PCDHA3: variants seen among roughly 807,000 people sequenced by gnomAD.
PCDHA3 encodes protocadherin alpha-3.
In PCDHA3, 41 loss-of-function variants were observed where a neutral mutation model predicts 62.2. That is an observed-to-expected ratio of 0.66 (90% CI 0.51 to 0.86). PCDHA3 has a LOEUF of 0.86. Ranked by LOEUF, PCDHA3 falls within the 40% of genes least tolerant of loss-of-function variation. The pLI, the probability that PCDHA3 is intolerant of heterozygous loss-of-function variation, is 0.00. For synonymous variants in PCDHA3, 640 were observed against 555.4 expected (o/e 1.15, Z -2.14); for missense variants, 1,304 against 1,241.2 (o/e 1.05, Z -0.76).
At chr5:140,967,066 C>A (rs782715200) in intron 1 of PCDHA3, 2 of 1,612,908 alleles carry the variant, frequency 1.2e-6, no homozygotes, top group Non-Finnish European at 1.7e-6. Context: ...GAGCGCTCTT[C>A]GTCAACGAGC....
chr5:140,834,632 T>C (rs1424749324), intron 1 of PCDHA3: 7 of 1,613,948 alleles, frequency 4.3e-6, no homozygotes, highest in African/African-American at 2.7e-5. Context: ...AGAATGGCAT[T>C]TTGTTTGTGA....
chr5:140,898,067 T>C (rs2066506598), intron 1 of PCDHA3, among the ~76,000 whole-genome samples: 1 of 152,122 alleles, frequency 6.6e-6, no homozygotes, highest in Admixed American at 6.5e-5. Context: ...TTGTTTGAGT[T>C]CATTGTAGAT....
rs782568724 is a variant in PCDHA3, at chr5:140,927,659, A to C, written c.2395-51290A>C. Reference sequence around the variant, plus strand: ...AATGGGACTGTGTTATTCCGAGTTCAAGCCTTGGATCCAGATGAAGGGTCC... The same window carrying C: ...AATGGGACTGTGTTATTCCGAGTTCCAGCCTTGGATCCAGATGAAGGGTCC... On this transcript the variant is annotated intron_variant, in intron 1 of 3. Coordinates refer to ENST00000522353, the MANE Select transcript of PCDHA3 (RefSeq NM_018906.3). 4 of 1,614,108 alleles carry C rather than the reference A, an allele frequency of 2.5e-6. No homozygotes were observed. In the East Asian group the frequency reaches 6.7e-5, roughly 27 times the overall value.
rs2098414068 is a variant in PCDHA3 at position 141,009,729 on chromosome 5, G to T, written c.2645G>T (p.Gly882Val). The T allele has an allele frequency of 6.2e-7, 1 of 1,614,168 alleles. No homozygotes were observed. The highest frequency in any genetic ancestry group is 8.5e-7 in the Non-Finnish European group (1 of 1,180,028). ...GGCAACCCCAAACAATCCGGTCCCG[G>T]TGAGTTGCCCGACAAATTCATTATC... is the stretch of plus-strand genomic sequence containing the variant. ...GPGNPKQSGPGELPDKFIIPG... is the reference protein window; with the variant it reads ...GPGNPKQSGPVELPDKFIIPG... Residue 882 changes from glycine (G) to valine (V), a missense_variant, in exon 4 of 4, where the codon GGT becomes GTT. Transcript: ENST00000522353.
At chr5:140,875,202 C>A in intron 1 of PCDHA3, 1 of 611,450 alleles carries the variant, frequency 1.6e-6, no homozygotes, top group Non-Finnish European at 2.5e-6. Context: ...CAGGAAGTGG[C>A]TAAACCGAAA....
intron 1 of PCDHA3, chr5:140,829,946 C>G: frequency 2.5e-6 from 4 of 1,613,986 alleles, no homozygotes; most frequent in Non-Finnish European, 3.4e-6. Flanking sequence ...AAGCAGCGCT[C>G]GCTTCCCGTT....
intron 1 of PCDHA3, chr5:140,878,024 G>A (rs2057444305): frequency 7.9e-6 from 6 of 757,742 alleles, no homozygotes; most frequent in South Asian, 2.8e-5. Context: ...AAGGAAATAT[G>A]TAGGTACAAT....
chr5:140,838,880 A>T (rs959221934), intron 1 of PCDHA3, among the ~76,000 whole-genome samples: 5 of 151,848 alleles, frequency 3.3e-5, no homozygotes. Context: ...ATGCCACTGA[A>T]CTCCAGCCTA....
At chr5:140,822,046 C>G in intron 1 of PCDHA3, 1 of 1,614,162 alleles carries the variant, frequency 6.2e-7, no homozygotes, top group Non-Finnish European at 8.5e-7. Flanking sequence ...TCGGATCGAC[C>G]GGGAGGAGCT....
rs1554122299 is a variant in PCDHA3, at chr5:140,802,710, T to C, written c.1513T>C (p.Ser505Pro). ...ACGGCGGGTGGGGGAGCGCGCGCTG[T>C]CGAGCTACGTGTCGGTACACGCGGA... ...VERRVGERAL[S>P]SYVSVHAESG... The change falls in exon 1 of 4, where the codon TCG becomes CCG. Residue 505 changes from serine to proline, a missense_variant. Ser to Pro is a moderately conservative substitution (Grantham distance 74). Transcript: ENST00000522353. 1.9e-6 allele frequency: 3 copies of C among 1,612,374 alleles called. No individual in the cohort carries two copies. The highest frequency in any genetic ancestry group is 2.5e-6 in the Non-Finnish European group (3 of 1,179,792).
At position 140,828,267 on chromosome 5, in the gene PCDHA3, T is replaced by C. The variant is rs2150153311; in HGVS notation, c.2394+24676T>C. The C allele has an allele frequency of 5.0e-6, 8 of 1,613,938 alleles. No individual in the cohort carries two copies. The South Asian group carries it at 8.8e-5, about 18-fold the overall frequency. ...GACCTGGGGCTGGAGCTGGCGGAGC[T>C]GGTGCCGCGCCTGTTCAGGATGGCC... On this transcript the variant is annotated intron_variant, in intron 1 of 3. Transcript: ENST00000522353.
rs181382577 is a variant in PCDHA3 at position 140,851,207 on chromosome 5, A to G, written c.2394+47616A>G. 3,689 of 1,174,684 alleles carry G rather than the reference A, an allele frequency of 3.1e-3. 213 individuals carry two copies. The highest frequency in any genetic ancestry group is 3.6e-3 in the Non-Finnish European group (3,326 of 916,620). The allele number at this position is 1,174,684 out of a possible 1,614,324, so 72.8% of individuals were successfully genotyped here. On this transcript the variant is annotated intron_variant, in intron 1 of 3. Transcript: ENST00000522353. The stretch of plus-strand genomic sequence containing the variant: ...CCAATTTAGTTGTTAGTCATTCATT[A>G]AACATTAACATCACTATCATTTATT...
rs782096178 is a variant in PCDHA3 at position 140,876,689 on chromosome 5, CGTT to C, written c.2394+73100_2394+73102del. The C allele has an allele frequency of 6.2e-6, 10 of 1,614,110 alleles. No homozygotes were observed. The East Asian group carries it at 1.6e-4, about 25-fold the overall frequency. On this transcript the variant is annotated intron_variant, in intron 1 of 3. Coordinates refer to ENST00000522353, the MANE Select transcript of PCDHA3 (RefSeq NM_018906.3). ...GTGTCCACCTACAAGAATTACTACT[CGTT>C]GGTGCTGGACAGCGCCCTGGACCGC...
intron 1 of PCDHA3, chr5:140,823,379 G>A: frequency 6.2e-7 from 1 of 1,612,650 alleles, no homozygotes; most frequent in South Asian, 1.1e-5. Flanking sequence ...TTCCAGGTGA[G>A]CGCGCGCGAC....
intron 1 of PCDHA3, chr5:140,824,125 A>T (rs2150132340): frequency 6.2e-7 from 1 of 1,613,888 alleles, no homozygotes; most frequent in South Asian, 1.1e-5. Flanking sequence ...CTCTACAGAC[A>T]ACGTGAGTTT....
chr5:140,827,875 C>A (rs538155297), intron 1 of PCDHA3: 1 of 643,830 alleles, frequency 1.6e-6, no homozygotes, highest in South Asian at 2.0e-5. Context: ...AGCACTGTTA[C>A]GTGAATTGAT....
chr5:140,872,755 C>A (rs1415992998), intron 1 of PCDHA3, among the ~76,000 whole-genome samples: 2 of 152,118 alleles, frequency 1.3e-5, no homozygotes, highest in African/African-American at 4.8e-5. Flanking sequence ...TAAAGACATG[C>A]ATATAGGGCT....
intron 1 of PCDHA3, chr5:140,863,574 T>C (rs1162134770): frequency 2.7e-6 from 1 of 367,398 alleles, no homozygotes; most frequent in Non-Finnish European, 5.3e-6. Flanking sequence ...ATATAAGTAC[T>C]GTAATCCTGG....
intron 1 of PCDHA3, among the ~76,000 whole-genome samples, chr5:140,974,827 G>A (rs1356890991): frequency 6.6e-6 from 1 of 152,182 alleles, no homozygotes; most frequent in Admixed American, 6.5e-5. Flanking sequence ...GCAACATAAT[G>A]ATTATTTTAA....
Sources: gnomAD v4.1 joint callset for allele counts (sites outside exome capture counted in the v4.1 genomes callset) on GRCh38, gnomAD v4.1.1 for gene constraint, MANE v1.5 for transcripts, NCBI Gene and HGNC (gene_info 2026-07-23, HGNC 2026-07-21) for gene names.